Variants in FILIP1L observed in about 807,000 individuals in gnomAD.
FILIP1L encodes the protein filamin A interacting protein 1 like, also known as filamin A-interacting protein 1-like.
A neutral mutation model predicts 96.6 loss-of-function variants in FILIP1L; 55 were observed. The ratio of observed to expected loss-of-function variants is 0.57; its 90% CI spans 0.46 to 0.71. The LOEUF is 0.71. FILIP1L is among the 30% of genes least tolerant of loss of function. The probability of loss-of-function intolerance (pLI) is 0.00; values close to 1 mark genes in which losing one functional copy is unlikely to be tolerated. For missense variants in FILIP1L, 1,304 were observed against 1,321.2 expected (o/e 0.99, Z 0.20); for synonymous variants, 467 against 473.9 (o/e 0.99, Z 0.19).
At chr3:99,876,729 C>G (rs1333309919) in intron 4 of FILIP1L, among the ~76,000 whole-genome samples, 1 of 152,026 alleles carries the variant, frequency 6.6e-6, no homozygotes, top group African/African-American at 2.4e-5. Context: ...AACTACCAAA[C>G]AATTCTTCAA....
intron 1 of FILIP1L, among the ~76,000 whole-genome samples, chr3:100,111,774 C>T (rs940924315): frequency 1.3e-4 from 20 of 152,172 alleles, no homozygotes; most frequent in African/African-American, 4.6e-4. Flanking sequence ...TTTTGTCTAA[C>T]ATCTATAGCT....
At position 100,003,923 on chromosome 3, in the gene FILIP1L, C is replaced by T. The variant is rs115495554; in HGVS notation, c.-10-72893G>A. Among the ~76,000 whole-genome samples the T allele has an allele frequency of 7.2e-3, 1,092 of 152,258 alleles. 4 individuals are homozygous for T. Among genetic ancestry groups the T allele is most frequent in the African/African-American group, 9.9e-3 (412 of 41,550 alleles). On this transcript the variant is annotated intron_variant, in intron 1 of 5. Transcript: ENST00000477258. ...GGCATAAAAATTTACATTGTGCAAA[C>T]AAGTCTTCTCAGGTTGTATTCAATG...
intron 1 of FILIP1L, among the ~76,000 whole-genome samples, chr3:100,092,062 A>G (rs2066119422): frequency 6.6e-6 from 1 of 152,196 alleles, no homozygotes; most frequent in Non-Finnish European, 1.5e-5. Flanking sequence ...TATCTATTTC[A>G]TAGGGCTATT....
chr3:100,069,897 T>C (rs2065732193), intron 1 of FILIP1L, among the ~76,000 whole-genome samples: 1 of 152,206 alleles, frequency 6.6e-6, no homozygotes, highest in Non-Finnish European at 1.5e-5. Context: ...CCAGTTCATT[T>C]TGTTGGAAAC....
chr3:100,012,869 G>C (rs1401956613), intron 1 of FILIP1L, among the ~76,000 whole-genome samples: 1 of 151,322 alleles, frequency 6.6e-6, no homozygotes, highest in Admixed American at 6.6e-5. Flanking sequence ...CACCTCCCAG[G>C]CTCAAGCAGT....
chr3:99,922,005 A>G lies in FILIP1L; in HGVS notation c.605+2225T>C, dbSNP rs192292431. ...CTCCAGCCTTCCTCCAGAAGATAGT[A>G]GAGATACACAGTGAATATCAGAACT... On this transcript the variant is annotated intron_variant, in intron 4 of 5. Coordinates refer to ENST00000477258, the MANE Select transcript of FILIP1L (RefSeq NM_001387850.1). Among the ~76,000 whole-genome samples the G allele has an allele frequency of 3.9e-5, 6 of 152,310 alleles. No individual in the cohort carries two copies. The East Asian group carries it at 1.2e-3, about 29-fold the overall frequency.
At chr3:99,942,746 T>C (rs1707887710) in intron 1 of FILIP1L, among the ~76,000 whole-genome samples, 2 of 151,990 alleles carry the variant, frequency 1.3e-5, no homozygotes, top group Admixed American at 1.3e-4. Flanking sequence ...GGAGAATTGC[T>C]TGGACCCAGG....
At position 99,938,225 on chromosome 3, in the gene FILIP1L, C is replaced by T. The variant is rs1276948786; in HGVS notation, c.-10-7195G>A. On this transcript the variant is annotated intron_variant, in intron 1 of 5. Transcript: ENST00000477258. ...TGATCTGCTATCCCTCACCCCCAGCCCTCTCACAGACACCCTCACATGCAT... is the reference window on the plus strand; with the variant it reads ...TGATCTGCTATCCCTCACCCCCAGCTCTCTCACAGACACCCTCACATGCAT... Among the ~76,000 whole-genome samples, 5 of 152,294 alleles carry T rather than the reference C, an allele frequency of 3.3e-5. No individual in the cohort carries two copies. In the South Asian group the frequency reaches 1.0e-3, roughly 32 times the overall value.
chr3:99,875,122 T>C (rs1409764637), intron 4 of FILIP1L, among the ~76,000 whole-genome samples: 2 of 152,238 alleles, frequency 1.3e-5, no homozygotes, highest in Non-Finnish European at 2.9e-5. Context: ...ATTTTTCATC[T>C]CCTATTCCAG....
chr3:99,903,230 A>G (rs760326737), intron 4 of FILIP1L, among the ~76,000 whole-genome samples: 1 of 151,914 alleles, frequency 6.6e-6, no homozygotes, highest in Non-Finnish European at 1.5e-5. Flanking sequence ...GTATTCATAC[A>G]TGTGTGTATA....
At chr3:99,892,992 T>A (rs1186859451) in intron 4 of FILIP1L, among the ~76,000 whole-genome samples, 1 of 152,116 alleles carries the variant, frequency 6.6e-6, no homozygotes, top group Non-Finnish European at 1.5e-5. Context: ...GAATTAGAAG[T>A]GATCAGGACA....
chr3:100,082,822 G>T (rs975267564), intron 1 of FILIP1L, among the ~76,000 whole-genome samples: 1 of 152,086 alleles, frequency 6.6e-6, no homozygotes. Context: ...ACTTACCTTC[G>T]TTGACTTAAG....
In FILIP1L at chr3:99,928,926, C is replaced by T. The variant is rs576200085; in HGVS notation, c.426+930G>A. On this transcript the variant is annotated intron_variant, in intron 3 of 5. Coordinates refer to ENST00000477258, the MANE Select transcript of FILIP1L (RefSeq NM_001387850.1). ...AGAGAAGCAGATACATATGACCAAACTCCTTCACTATTTGGCAAGACAGTA... is the reference window on the plus strand; with the variant it reads ...AGAGAAGCAGATACATATGACCAAATTCCTTCACTATTTGGCAAGACAGTA... Among the ~76,000 whole-genome samples the T allele has an allele frequency of 2.6e-4, 40 of 152,324 alleles. No homozygotes were observed. In the South Asian group the frequency reaches 7.5e-3, roughly 28 times the overall value.
intron 1 of FILIP1L, among the ~76,000 whole-genome samples, chr3:99,974,364 A>G (rs1708907175): frequency 6.6e-6 from 1 of 152,164 alleles, no homozygotes; most frequent in African/African-American, 2.4e-5. Context: ...CCCATTTCTT[A>G]CCTTGTTGAC....
intron 4 of FILIP1L, among the ~76,000 whole-genome samples, chr3:99,891,115 A>T (rs74774083): frequency 6.6e-6 from 1 of 151,154 alleles, no homozygotes; most frequent in African/African-American, 2.4e-5. Context: ...CGTGTGGGCT[A>T]GCTTGTTAGT....
intron 4 of FILIP1L, among the ~76,000 whole-genome samples, chr3:99,881,684 T>C (rs150260816): frequency 1.8e-4 from 28 of 152,156 alleles, no homozygotes; most frequent in African/African-American, 5.1e-4. Flanking sequence ...ACATGTGTGC[T>C]ACCACGCCTG....
chr3:99,906,704 G>A (rs1706628855), intron 4 of FILIP1L, among the ~76,000 whole-genome samples: 1 of 152,082 alleles, frequency 6.6e-6, no homozygotes, highest in Non-Finnish European at 1.5e-5. Context: ...CCTCTTCCTG[G>A]GTATATGGCT....
At chr3:99,885,760 A>G (rs551256039) in intron 4 of FILIP1L, among the ~76,000 whole-genome samples, 86 of 152,308 alleles carry the variant, frequency 5.6e-4, no homozygotes, top group African/African-American at 1.6e-3. Flanking sequence ...TCTCTGCCCA[A>G]AAGACACACA....
intron 1 of FILIP1L, among the ~76,000 whole-genome samples, chr3:100,010,826 A>G (rs1710131741): frequency 2.4e-5 from 3 of 123,820 alleles, no homozygotes; most frequent in Admixed American, 1.0e-4. Flanking sequence ...TGGGGGTTTC[A>G]GCATGTTGGT....
Sources: allele counts gnomAD v4.1 joint callset (sites outside exome capture counted in the v4.1 genomes callset), GRCh38; gene constraint gnomAD v4.1.1; transcripts MANE v1.5; gene names NCBI Gene and HGNC (gene_info 2026-07-23, HGNC 2026-07-21).